LAD1: variants seen among roughly 807,000 people sequenced by gnomAD.
LAD1 encodes ladinin 1.
A neutral mutation model predicts 54.2 loss-of-function variants in LAD1; 53 were observed. That is an observed-to-expected ratio of 0.98 (90% CI 0.78 to 1.23). The LOEUF is 1.23. Among genes scored for constraint, LAD1 ranks in the 50% most tolerant of loss-of-function variants. The probability of loss-of-function intolerance (pLI) is 0.00; values close to 1 mark genes in which losing one functional copy is unlikely to be tolerated. For missense variants in LAD1, 637 were observed against 653.3 expected (o/e 0.98, Z 0.27); for synonymous variants, 231 against 257.7 (o/e 0.90, Z 0.99).
chr1:201,384,929 C>A, intron 4 of LAD1, 94 bp from the exon 5 acceptor site: 1 of 1,228,158 alleles, frequency 8.1e-7, no homozygotes, highest in South Asian at 1.3e-5. Flanking sequence ...ACATGTCCTC[C>A]TCCTCTTCAG....
At position 201,381,555 on chromosome 1, in the gene LAD1, G is replaced by A; in HGVS notation, c.*333C>T. The A allele has an allele frequency of 2.5e-6, 1 of 406,980 alleles. No individual in the cohort carries two copies. Among genetic ancestry groups the A allele is most frequent in the South Asian group, 2.4e-5 (1 of 41,748 alleles). 25.2% of individuals were successfully genotyped at this position (406,980 alleles called of 1,614,324 possible). On this transcript the variant is annotated 3_prime_UTR_variant, in exon 10 of 10. Coordinates refer to ENST00000391967, the MANE Select transcript of LAD1 (RefSeq NM_005558.4). ...TGAGGGGCGCCGTGCCCTGACTGTG[G>A]ATGTGAGCAGGAAGGAGCAGAGGTC...
chr1:201,388,048 C>T (rs1662130777), intron 2 of LAD1, among the ~76,000 whole-genome samples: 1 of 152,184 alleles, frequency 6.6e-6, no homozygotes, highest in African/African-American at 2.4e-5. Context: ...TCCCCCACCT[C>T]ATAATCCCAA....
chr1:201,389,135 T>C (rs954294347), intron 2 of LAD1, 25 bp downstream of exon 2: 1 of 1,609,206 alleles, frequency 6.2e-7, no homozygotes, highest in Non-Finnish European at 8.5e-7. Flanking sequence ...TCCCCATCCA[T>C]CAGGATAGAA....
intron 1 of LAD1, chr1:201,397,127 C>T (rs1662304454): frequency 6.6e-6 from 1 of 152,564 alleles, no homozygotes; most frequent in Admixed American, 6.5e-5. Context: ...TGGCCCCCAG[C>T]TACCCACCCA....
chr1:201,382,892 G>A (rs1661991937), intron 7 of LAD1, 153 bp from the exon 8 acceptor site: 2 of 986,380 alleles, frequency 2.0e-6, no homozygotes, highest in Non-Finnish European at 3.0e-6. Flanking sequence ...CCTTCCCCCA[G>A]GGAGCTGTGT....
rs770682005 is a variant in LAD1 at position 201,381,898 on chromosome 1, G to A, written c.1549-5C>T. 14 of 1,613,592 alleles carry A rather than the reference G, an allele frequency of 8.7e-6. No homozygotes were observed. In the African/African-American group the frequency reaches 1.5e-4, roughly 17 times the overall value. ...TCTTGGCGGGGCTTGTCACACCTGT[G>A]GGGCAAAGAGCTGTTAGCACAAGTC... On this transcript the variant is annotated splice_region_variant and splice_polypyrimidine_tract_variant and intron_variant, in intron 9 of 9. Coordinates refer to ENST00000391967, the MANE Select transcript of LAD1 (RefSeq NM_005558.4).
At chr1:201,396,232 C>T (rs552502591) in intron 1 of LAD1, among the ~76,000 whole-genome samples, 129 of 152,274 alleles carry the variant, frequency 8.5e-4, no homozygotes, top group Non-Finnish European at 1.4e-3. Flanking sequence ...CAACCCTTTC[C>T]CCCACCTCCT....
rs1168997960 is a variant in LAD1 at position 201,382,721 on chromosome 1, CT to C, written c.1404del (p.Val470LeufsTer2). On this transcript the variant is annotated frameshift_variant, in exon 8 of 10. Transcript: ENST00000391967. LOFTEE classifies it high-confidence loss of function. The stretch of plus-strand genomic sequence containing the variant: ...AGGTTGAGCCTTGATGTCACAACCC[CT>C]GAGAGCCTCAAGTTCTCCTAAAAAG... ...ASSRKENLRL[S>X]GVVTSRLNLW... 1 of 1,605,660 alleles carries C rather than the reference CT, an allele frequency of 6.2e-7. No homozygotes were observed. The highest frequency in any genetic ancestry group is 8.5e-7 in the Non-Finnish European group (1 of 1,176,206).
In LAD1 at chr1:201,382,265, G is replaced by A. The variant is rs772398388; in HGVS notation, c.1535C>T (p.Ser512Leu). 1.4e-5 allele frequency: 23 copies of A among 1,613,322 alleles called. No homozygotes were observed. The Admixed American group carries it at 2.2e-4, about 15-fold the overall frequency. Residue 512 changes from serine (S) to leucine (L), a missense_variant, in exon 9 of 10, where the codon TCG becomes TTG. Transcript: ENST00000391967. ...CCCACCATTCACCTCAGCGTCCAGCGAGGAGTCAGATTTCTGTCCCCACTG... is the reference window on the plus strand; with the variant it reads ...CCCACCATTCACCTCAGCGTCCAGCAAGGAGTCAGATTTCTGTCCCCACTG... ...RTQWGQKSDSSLDAEV is the reference protein window; with the variant it reads ...RTQWGQKSDSLLDAEV
At position 201,382,405 on chromosome 1, in the gene LAD1, C is replaced by A. The variant is rs552943722; in HGVS notation, c.1474-79G>T. On this transcript the variant is annotated intron_variant, in intron 8 of 9. Transcript: ENST00000391967. ...CTCGGGATACCCCAGGCCCAGCTCC[C>A]AGCCCAGGATGTCCTTTCTCTTCCC... is the stretch of plus-strand genomic sequence containing the variant. The A allele has an allele frequency of 3.6e-4, 410 of 1,153,952 alleles. 4 individuals are homozygous for A. The highest frequency in any genetic ancestry group is 3.0e-4 in the African/African-American group (20 of 65,946). The allele number at this position is 1,153,952 out of a possible 1,614,324, so 71.5% of individuals were successfully genotyped here.
chr1:201,399,324 TGGCCGCCCGCGCCCCGCC>T (rs1443192030), upstream of LAD1: 7 of 1,530,288 alleles, frequency 4.6e-6, no homozygotes, highest in East Asian at 7.4e-5. Flanking sequence ...GAGCCCCGCG[TGGCCGCCCGCGCCCCGCC>T]GGCCGCCGCC....
At chr1:201,397,139 C>T (rs1225020040) in intron 1 of LAD1, 1 of 152,596 alleles carries the variant, frequency 6.6e-6, no homozygotes, top group Non-Finnish European at 1.5e-5. Context: ...ACCCACCCAC[C>T]TCTCCATCCA....
Position 201,382,720 on chromosome 1 carries a change from CCT to C in LAD1, c.1404_1405del (p.Val470CysfsTer40). 2 of 1,605,856 alleles carry C rather than the reference CCT, an allele frequency of 1.2e-6. No homozygotes were observed. The highest frequency in any genetic ancestry group is 1.3e-5 in the African/African-American group (1 of 74,924). ...CAGGTTGAGCCTTGATGTCACAACC[CCT>C]GAGAGCCTCAAGTTCTCCTAAAAAG... On this transcript the variant is annotated frameshift_variant, in exon 8 of 10. Transcript: ENST00000391967. LOFTEE classifies it high-confidence loss of function.
intron 3 of LAD1, 106 bp from the exon 4 acceptor site, chr1:201,385,911 T>C (rs959391663): frequency 1.2e-6 from 1 of 817,726 alleles, no homozygotes; most frequent in Non-Finnish European, 2.1e-6. Flanking sequence ...GAGGGGAGAA[T>C]GAGACAGCCC....
chr1:201,382,385 G>C, intron 8 of LAD1, 59 bp from the exon 9 acceptor site: 1 of 1,351,866 alleles, frequency 7.4e-7, no homozygotes, highest in Non-Finnish European at 1.1e-6. Flanking sequence ...AAGGGCTCGG[G>C]ATACCCCAGG....
intron 2 of LAD1, among the ~76,000 whole-genome samples, chr1:201,388,045 C>T (rs1250002504): frequency 1.3e-5 from 2 of 152,182 alleles, no homozygotes; most frequent in South Asian, 4.1e-4. Context: ...TCTTCCCCCA[C>T]CTCATAATCC....
At position 201,387,041 on chromosome 1, in the gene LAD1, G is replaced by A; in HGVS notation, c.320C>T (p.Ala107Val). The A allele has an allele frequency of 6.2e-7, 1 of 1,612,154 alleles. No homozygotes were observed. Among genetic ancestry groups the A allele is most frequent in the Admixed American group, 1.7e-5 (1 of 59,766 alleles). The change falls in exon 3 of 10, where the codon GCC becomes GTC. Residue 107 changes from alanine to valine, a missense_variant. Transcript: ENST00000391967. ...TGCCTCCAGCCTCTCCTGGATGGGG[G>A]CCTGTGCAGCCTCCACCACCTGCCG... is the stretch of plus-strand genomic sequence containing the variant. ...QRRQVVEAAQ[A>V]PIQERLEAEE...
chr1:201,382,780 G>C (rs568031831), intron 7 of LAD1, 41 bp from the exon 8 acceptor site: 1 of 1,466,666 alleles, frequency 6.8e-7, no homozygotes, highest in East Asian at 2.4e-5. Context: ...AGGGCCCTTG[G>C]CAGCAGCGAG....
chr1:201,383,447 T>C lies in LAD1; in HGVS notation c.1176-58A>G, dbSNP rs549213202. The C allele has an allele frequency of 6.3e-5, 96 of 1,514,910 alleles. 1 individual carries two copies. The highest frequency in any genetic ancestry group is 5.2e-4 in the Admixed American group (31 of 59,884). 93.8% of individuals were successfully genotyped at this position (1,514,910 alleles called of 1,614,324 possible). ...GTGAGACACCCAGGGAGACCAGGCC[T>C]GCCCCCAGGGCCTGAGGAGCAGCCC... On this transcript the variant is annotated intron_variant, in intron 5 of 9. Coordinates refer to ENST00000391967, the MANE Select transcript of LAD1 (RefSeq NM_005558.4).
Sources: allele counts gnomAD v4.1 joint callset (sites outside exome capture counted in the v4.1 genomes callset), GRCh38; gene constraint gnomAD v4.1.1; transcripts MANE v1.5; gene names NCBI Gene and HGNC (gene_info 2026-07-23, HGNC 2026-07-21).